EIF2B3: variants seen among roughly 807,000 people sequenced by gnomAD.
EIF2B3 encodes eukaryotic translation initiation factor 2B subunit gamma.
In EIF2B3, 20 loss-of-function variants were observed where a neutral mutation model predicts 54.1. The ratio of observed to expected loss-of-function variants is 0.37; its 90% CI spans 0.26 to 0.54. The LOEUF (loss-of-function observed/expected upper bound fraction) is 0.54, where lower values mean the gene tolerates loss of function less well. EIF2B3 is among the 20% of genes least tolerant of loss of function. EIF2B3 has a pLI of 0.86. For missense variants in EIF2B3, 448 were observed against 547.8 expected (o/e 0.82, Z 1.82); for synonymous variants, 153 against 188.1 (o/e 0.81, Z 1.52).
At position 44,897,429 on chromosome 1, in the gene EIF2B3, A is replaced by G; in HGVS notation, c.582T>C (p.Arg194=). ...GGGCATCCACAAGACCCGTGTGGAA[A>G]CGTATTCTAGGATGCCTGCAAAAAA... ...GSILQKHPRI[R]FHTGLVDAHL... Residue 194 remains arginine (R), a synonymous_variant, in exon 6 of 12, where the codon CGT becomes CGC. Transcript: ENST00000360403. 1 of 1,612,702 alleles carries G rather than the reference A, an allele frequency of 6.2e-7. No homozygotes were observed. The highest frequency in any genetic ancestry group is 8.5e-7 in the Non-Finnish European group (1 of 1,179,502).
chr1:44,938,380 C>T (rs1643980419), intron 4 of EIF2B3, among the ~76,000 whole-genome samples: 1 of 152,050 alleles, frequency 6.6e-6, no homozygotes, highest in Non-Finnish European at 1.5e-5. Flanking sequence ...GGAGTGATGG[C>T]TGGTACCTGT....
chr1:44,867,560 C>T (rs1654821035), intron 10 of EIF2B3, among the ~76,000 whole-genome samples: 1 of 152,066 alleles, frequency 6.6e-6, no homozygotes, highest in South Asian at 2.1e-4. Flanking sequence ...ATTTTATGCT[C>T]CTACCCTGCC....
In EIF2B3 at chr1:44,924,951, T is replaced by C. The variant is rs1373271374; in HGVS notation, c.566+1677A>G. On this transcript the variant is annotated intron_variant, in intron 5 of 11. Coordinates refer to ENST00000360403, the MANE Select transcript of EIF2B3 (RefSeq NM_020365.5). ...TCTTTTGAGCTTACTCATGCTTGAG[T>C]CATGGCTCTGCCCAGATGTTTTATT... The C allele has an allele frequency of 2.0e-5, 3 of 152,194 alleles. No homozygotes were observed. The East Asian group carries it at 5.8e-4, about 29-fold the overall frequency. 9.4% of individuals were successfully genotyped at this position (152,194 alleles called of 1,614,324 possible).
chr1:44,920,164 T>A (rs1360838890), intron 5 of EIF2B3, among the ~76,000 whole-genome samples: 3 of 151,950 alleles, frequency 2.0e-5, no homozygotes, highest in Non-Finnish European at 4.4e-5. Context: ...TTATATCCTG[T>A]GTCTTCCTCT....
At chr1:44,856,807 T>C (rs1055131233) in intron 11 of EIF2B3, among the ~76,000 whole-genome samples, 1 of 152,026 alleles carries the variant, frequency 6.6e-6, no homozygotes, top group African/African-American at 2.4e-5. Flanking sequence ...TCATTTTAAT[T>C]TTTATTATTA....
intron 5 of EIF2B3, among the ~76,000 whole-genome samples, chr1:44,919,094 T>C (rs1358684554): frequency 6.6e-6 from 1 of 152,156 alleles, no homozygotes; most frequent in Non-Finnish European, 1.5e-5. Flanking sequence ...ATGCCTGTAA[T>C]CCTAGCACTT....
At chr1:44,880,639 G>A (rs1655360375) in intron 7 of EIF2B3, among the ~76,000 whole-genome samples, 1 of 152,124 alleles carries the variant, frequency 6.6e-6, no homozygotes, top group African/African-American at 2.4e-5. Context: ...TAAAAAAACT[G>A]GGGCTCAGAG....
At chr1:44,852,398 T>A (rs12738360) in intron 11 of EIF2B3, among the ~76,000 whole-genome samples, 1 of 152,116 alleles carries the variant, frequency 6.6e-6, no homozygotes, top group African/African-American at 2.4e-5. Flanking sequence ...CCTTTTGCAC[T>A]GTCCATTTCC....
intron 3 of EIF2B3, among the ~76,000 whole-genome samples, chr1:44,943,540 C>A (rs1644063043): frequency 6.6e-6 from 1 of 151,912 alleles, no homozygotes; most frequent in Non-Finnish European, 1.5e-5. Flanking sequence ...CCACCTCAGC[C>A]TCCCTAGTAG....
chr1:44,886,929 T>A (rs867573953), intron 6 of EIF2B3, among the ~76,000 whole-genome samples: 58 of 152,342 alleles, frequency 3.8e-4, no homozygotes, highest in African/African-American at 1.3e-3. Flanking sequence ...CTTTTCTTTC[T>A]ACAGATGGTG....
intron 10 of EIF2B3, among the ~76,000 whole-genome samples, chr1:44,871,485 G>T (rs551449303): frequency 6.6e-6 from 1 of 152,228 alleles, no homozygotes; most frequent in Non-Finnish European, 1.5e-5. Context: ...TCCATTACTT[G>T]GCCCTTGTCC....
Position 44,867,430 on chromosome 1 carries a change from C to A in EIF2B3, c.1202+7248G>T, listed in dbSNP as rs117650106. On this transcript the variant is annotated intron_variant, in intron 10 of 11. Transcript: ENST00000360403. ...CCAAGGTGGTCCTATTAGCATCCCT[C>A]AAGCCCTGAAGACCTTGGGCAGGTG... Among the ~76,000 whole-genome samples the A allele has an allele frequency of 4.1e-3, 619 of 152,242 alleles. 2 individuals carry two copies. The highest frequency in any genetic ancestry group is 7.3e-3 in the East Asian group (38 of 5,180).
At chr1:44,926,956 G>A (rs944816772) in intron 4 of EIF2B3, among the ~76,000 whole-genome samples, 4 of 151,052 alleles carry the variant, frequency 2.6e-5, no homozygotes, top group South Asian at 2.1e-4. Context: ...CCAACATGGC[G>A]AAAGACTGTC....
chr1:44,878,962 T>C (rs1164312699), intron 8 of EIF2B3, among the ~76,000 whole-genome samples: 2 of 152,194 alleles, frequency 1.3e-5, no homozygotes, highest in East Asian at 3.9e-4. Flanking sequence ...GATTTTGCCA[T>C]GTTGCCCAGG....
At chr1:44,895,346 A>C (rs1317005723) in intron 6 of EIF2B3, among the ~76,000 whole-genome samples, 1 of 152,220 alleles carries the variant, frequency 6.6e-6, no homozygotes, top group Non-Finnish European at 1.5e-5. Flanking sequence ...TGGCCAAATG[A>C]ACTACAAATA....
intron 3 of EIF2B3, among the ~76,000 whole-genome samples, chr1:44,950,693 T>G (rs1477575246): frequency 6.6e-6 from 1 of 152,150 alleles, no homozygotes; most frequent in Admixed American, 6.6e-5. Context: ...GTTTATTTAT[T>G]TATTTATTTT....
intron 4 of EIF2B3, among the ~76,000 whole-genome samples, chr1:44,933,368 G>A (rs1643913838): frequency 6.6e-6 from 1 of 152,018 alleles, no homozygotes; most frequent in Non-Finnish European, 1.5e-5. Flanking sequence ...CATGTAGTGG[G>A]GGCAGAGCAT....
At chr1:44,913,631 A>G (rs1643560944) in intron 5 of EIF2B3, among the ~76,000 whole-genome samples, 1 of 152,052 alleles carries the variant, frequency 6.6e-6, no homozygotes, top group Non-Finnish European at 1.5e-5. Context: ...CCGCCTCCCA[A>G]GTAGCTGGGA....
At chr1:44,870,513 A>G (rs1396694121) in intron 10 of EIF2B3, among the ~76,000 whole-genome samples, 2 of 151,954 alleles carry the variant, frequency 1.3e-5, no homozygotes, top group Admixed American at 1.3e-4. Flanking sequence ...GTCTCCTTAG[A>G]TTCCTTTTCT....
Sources: allele counts gnomAD v4.1 joint callset (sites outside exome capture counted in the v4.1 genomes callset), GRCh38; gene constraint gnomAD v4.1.1; transcripts MANE v1.5; gene names NCBI Gene and HGNC (gene_info 2026-07-23, HGNC 2026-07-21).